Variants in TMEM132B observed in about 807,000 individuals in gnomAD.
The protein encoded by TMEM132B is transmembrane protein 132B.
Under a neutral mutation model 90.8 loss-of-function variants are expected in TMEM132B, and 18 were observed. The ratio of observed to expected loss-of-function variants is 0.20; its 90% CI spans 0.14 to 0.29. The LOEUF (loss-of-function observed/expected upper bound fraction) is 0.29. TMEM132B is among the 10% of genes least tolerant of loss of function. The probability of loss-of-function intolerance (pLI) is 1.00; values close to 1 mark genes in which losing one functional copy is unlikely to be tolerated. For synonymous variants in TMEM132B, 504 were observed against 523.3 expected (o/e 0.96, Z 0.50); for missense variants, 1,096 against 1,326.8 (o/e 0.83, Z 2.70).
intron 1 of TMEM132B, among the ~76,000 whole-genome samples, chr12:125,313,148 C>T (rs1876161820): frequency 6.6e-6 from 1 of 152,136 alleles, no homozygotes; most frequent in Non-Finnish European, 1.5e-5. Flanking sequence ...TCAGTTTCCT[C>T]ATCTTAAAAA....
At chr12:125,465,946 C>T (rs1566044607) in intron 3 of TMEM132B, among the ~76,000 whole-genome samples, 1 of 152,170 alleles carries the variant, frequency 6.6e-6, no homozygotes, top group Non-Finnish European at 1.5e-5. Flanking sequence ...CTGAGTCCCT[C>T]ACTAGAAGCA....
intron 1 of TMEM132B, among the ~76,000 whole-genome samples, chr12:125,217,694 T>C (rs1593044862): frequency 6.6e-6 from 1 of 152,198 alleles, no homozygotes; most frequent in African/African-American, 2.4e-5. Flanking sequence ...CCTCAAGTGA[T>C]CTTCCCTCCT....
intron 2 of TMEM132B, among the ~76,000 whole-genome samples, chr12:125,412,578 G>A (rs376696024): frequency 4.6e-5 from 7 of 152,200 alleles, no homozygotes; most frequent in East Asian, 1.9e-4. Context: ...TCGGGTGGGA[G>A]GGTCTGATTT....
chr12:125,453,307 AATG>A (rs1881207379), intron 3 of TMEM132B, among the ~76,000 whole-genome samples: 1 of 152,070 alleles, frequency 6.6e-6, no homozygotes, highest in South Asian at 2.1e-4. Context: ...TAATGAGAAA[AATG>A]ATGATAAGAA....
chr12:125,314,644 C>CGCGAGGG (rs1491264839), intron 1 of TMEM132B, among the ~76,000 whole-genome samples: 1 of 152,144 alleles, frequency 6.6e-6, no homozygotes, highest in Non-Finnish European at 1.5e-5. Context: ...CGCGAACCCT[C>CGCGAGGG]GCGAGGGAGG....
chr12:125,329,597 A>G (rs1294420567), intron 1 of TMEM132B, among the ~76,000 whole-genome samples: 1 of 152,182 alleles, frequency 6.6e-6, no homozygotes, highest in Non-Finnish European at 1.5e-5. Context: ...CTGGAACGAG[A>G]TGGGACAATG....
At chr12:125,533,714 T>A (rs1168820815) in intron 4 of TMEM132B, among the ~76,000 whole-genome samples, 1 of 152,174 alleles carries the variant, frequency 6.6e-6, no homozygotes, top group Non-Finnish European at 1.5e-5. Context: ...CCGGCCTGAC[T>A]GGCTGCGTCC....
At position 125,407,469 on chromosome 12, in the gene TMEM132B, G is replaced by T. The variant is rs868653843; in HGVS notation, c.960-8062G>T. Among the ~76,000 whole-genome samples the T allele has an allele frequency of 6.6e-6, 1 of 152,216 alleles. No homozygotes were observed. The highest frequency in any genetic ancestry group is 1.5e-5 in the Non-Finnish European group (1 of 68,036). On this transcript the variant is annotated intron_variant, in intron 2 of 8. Coordinates refer to ENST00000682704, the MANE Select transcript of TMEM132B (RefSeq NM_001366854.1). This position sits in a 1 kb window ranked among gnomAD's most constrained non-coding sequence, Gnocchi z 6.7. ...GCTAGGTGGTGGATGCTATGGGCTG[G>T]GAAAGACATATGGGGAGTGAGATGG...
chr12:125,403,195 C>A (rs1879367091), intron 2 of TMEM132B, among the ~76,000 whole-genome samples: 1 of 152,218 alleles, frequency 6.6e-6, no homozygotes, highest in African/African-American at 2.4e-5. Flanking sequence ...AGACTCCCCA[C>A]TGAGCTGCTG....
chr12:125,364,665 C>T (rs1218380985), intron 2 of TMEM132B, among the ~76,000 whole-genome samples: 1 of 152,048 alleles, frequency 6.6e-6, no homozygotes, highest in Non-Finnish European at 1.5e-5. Flanking sequence ...TTATTTATAT[C>T]TCCTTTGATT....
At chr12:125,254,341 G>A (rs1401260549) in intron 1 of TMEM132B, among the ~76,000 whole-genome samples, 1 of 152,148 alleles carries the variant, frequency 6.6e-6, no homozygotes, top group African/African-American at 2.4e-5. Flanking sequence ...CCAAAAAATT[G>A]TAGACAAGAC....
rs529897983 is a variant in TMEM132B, at chr12:125,193,512, A to G, written c.67+6646A>G. Among the ~76,000 whole-genome samples the G allele has an allele frequency of 6.6e-5, 10 of 152,362 alleles. No individual in the cohort carries two copies. In the South Asian group the frequency reaches 1.9e-3, roughly 28 times the overall value. ...TCCCAGACATTAATTTGTGTTTTTCATGGTCAATGCAAGGCGATATGATGA... is the reference window on the plus strand; with the variant it reads ...TCCCAGACATTAATTTGTGTTTTTCGTGGTCAATGCAAGGCGATATGATGA... On this transcript the variant is annotated intron_variant, in intron 1 of 8. Transcript: ENST00000682704.
At chr12:125,308,186 A>G (rs117806800) in intron 1 of TMEM132B, among the ~76,000 whole-genome samples, 12,373 of 141,234 alleles carry the variant, frequency 0.088, 585 homozygotes, top group South Asian at 0.11. Flanking sequence ...ATATATGTGT[A>G]TACATATATA....
chr12:125,248,211 ATCTTG>A lies in TMEM132B; in HGVS notation c.67+61350_67+61354del, dbSNP rs1422922015. Among the ~76,000 whole-genome samples, 18 of 152,220 alleles carry A rather than the reference ATCTTG, an allele frequency of 1.2e-4. 1 individual carries two copies. Among genetic ancestry groups the A allele is most frequent in the African/African-American group, 4.3e-4 (18 of 41,448 alleles). The stretch of plus-strand genomic sequence containing the variant: ...GGCTCTGCAATTCTGAGGTTCCCTG[ATCTTG>A]TCTTTCTTCAGGAGGAAAAATTAGG... On this transcript the variant is annotated intron_variant, in intron 1 of 8. Transcript: ENST00000682704.
At chr12:125,234,733 G>GAACC (rs1405180369) in intron 1 of TMEM132B, among the ~76,000 whole-genome samples, 2 of 152,200 alleles carry the variant, frequency 1.3e-5, no homozygotes, top group East Asian at 3.9e-4. Flanking sequence ...AAGGTTCTGT[G>GAACC]TGTCACCAGA....
chr12:125,551,017 T>C (rs1884215946), intron 4 of TMEM132B, among the ~76,000 whole-genome samples: 1 of 152,258 alleles, frequency 6.6e-6, no homozygotes, highest in African/African-American at 2.4e-5. Context: ...TTCACCATGT[T>C]GGCCAGGCTG....
At chr12:125,391,464 C>T (rs983212108) in intron 2 of TMEM132B, among the ~76,000 whole-genome samples, 1 of 152,184 alleles carries the variant, frequency 6.6e-6, no homozygotes, top group Non-Finnish European at 1.5e-5. Context: ...CTTGAGGTTA[C>T]TACCATGGAT....
At position 125,614,754 on chromosome 12, in the gene TMEM132B, G is replaced by T. The variant is rs560034688; in HGVS notation, c.1438-29322G>T. Among the ~76,000 whole-genome samples the T allele has an allele frequency of 2.6e-5, 4 of 152,260 alleles. No individual in the cohort carries two copies. In the East Asian group the frequency reaches 7.7e-4, roughly 29 times the overall value. ...TAAAACAGAGCTACCATTAGACCCA[G>T]CAATCCCATTATGGATATATGCTTT... On this transcript the variant is annotated intron_variant, in intron 5 of 8. Transcript: ENST00000682704.
Position 125,209,916 on chromosome 12 carries a change from G to C in TMEM132B, c.67+23050G>C, listed in dbSNP as rs531979105. On this transcript the variant is annotated intron_variant, in intron 1 of 8. Transcript: ENST00000682704. The surrounding 1 kb of genome is among the most constrained non-coding windows in gnomAD (Gnocchi z 4.4). ...TTCCTCGCCTTGTCCTGTGAGTCTC[G>C]TAGGTGCCTGCTCATTCGCTTGGTC... is the stretch of plus-strand genomic sequence containing the variant. Among the ~76,000 whole-genome samples, 10 of 152,214 alleles carry C rather than the reference G, an allele frequency of 6.6e-5. No homozygotes were observed. The highest frequency in any genetic ancestry group is 2.4e-4 in the African/African-American group (10 of 41,524).
Sources: allele counts gnomAD v4.1 joint callset (sites outside exome capture counted in the v4.1 genomes callset), GRCh38; gene constraint gnomAD v4.1.1; non-coding constraint Gnocchi (gnomAD v3.1); transcripts MANE v1.5; gene names NCBI Gene and HGNC (gene_info 2026-07-23, HGNC 2026-07-21).